The following PTER variants were observed in gnomAD, a reference collection of about 807,000 sequenced individuals.
PTER encodes the protein N-acetyltaurine hydrolase.
PTER carries 38 observed loss-of-function variants against 29.6 expected under a neutral mutation model. The observed-to-expected ratio is 1.28, with a 90% CI of 0.99 to 1.68. The LOEUF is 1.68. Ranked by LOEUF, PTER falls within the 40% of genes most tolerant of loss-of-function variation. The probability of loss-of-function intolerance (pLI) is 0.00; values close to 1 mark genes in which losing one functional copy is unlikely to be tolerated. For synonymous variants in PTER, 172 were observed against 154.5 expected, an observed-to-expected ratio of 1.11 and a Z score of -0.84; for missense variants, 482 against 427.8, an observed-to-expected ratio of 1.13 and a Z score of -1.12.
intron 1 of PTER, among the ~76,000 whole-genome samples, chr10:16,482,190 A>G (rs954097470): frequency 2.7e-4 from 41 of 152,254 alleles, no homozygotes; most frequent in African/African-American, 9.4e-4. Context: ...TTTATGCCTT[A>G]TAAGCCAATA....
intron 2 of PTER, among the ~76,000 whole-genome samples, chr10:16,485,342 G>T (rs889157104): frequency 6.6e-6 from 1 of 152,134 alleles, no homozygotes. Flanking sequence ...CCTGTGTTTT[G>T]TCATAATATG....
chr10:16,469,843 G>T (rs2133412967), intron 1 of PTER, among the ~76,000 whole-genome samples: 1 of 152,066 alleles, frequency 6.6e-6, no homozygotes, highest in African/African-American at 2.4e-5. Context: ...CTCCCAAAGT[G>T]GTGCTGGGGT....
intron 1 of PTER, among the ~76,000 whole-genome samples, chr10:16,464,891 G>A (rs1173940738): frequency 6.6e-6 from 1 of 152,182 alleles, no homozygotes; most frequent in Admixed American, 6.5e-5. Context: ...TGGCTGGGGA[G>A]GCCTCACAAT....
At chr10:16,505,641 A>G (rs1836531460) in intron 4 of PTER, among the ~76,000 whole-genome samples, 1 of 152,234 alleles carries the variant, frequency 6.6e-6, no homozygotes, top group African/African-American at 2.4e-5. Context: ...TGTAAAATGA[A>G]TGCAACCTTC....
chr10:16,469,723 T>C (rs779391432), intron 1 of PTER, among the ~76,000 whole-genome samples: 3 of 152,038 alleles, frequency 2.0e-5, no homozygotes, highest in Non-Finnish European at 4.4e-5. Context: ...CACAGGTGCA[T>C]GTCACCATGG....
chr10:16,517,593 C>A (rs1332339618), downstream of PTER, among the ~76,000 whole-genome samples: 1 of 152,016 alleles, frequency 6.6e-6, no homozygotes, highest in Non-Finnish European at 1.5e-5. Context: ...TTGAGTTGAA[C>A]TTTTACCTTT....
intron 3 of PTER, chr10:16,486,836 T>G: frequency 3.9e-6 from 2 of 518,914 alleles, no homozygotes; most frequent in South Asian, 3.1e-5. Flanking sequence ...TCCTAGGTAT[T>G]TCACATAAGA....
chr10:16,480,090 G>A (rs1835421178), intron 1 of PTER, among the ~76,000 whole-genome samples: 1 of 147,536 alleles, frequency 6.8e-6, no homozygotes, highest in Non-Finnish European at 1.5e-5. Context: ...AATGAAACAA[G>A]GGATGTATGA....
intron 1 of PTER, among the ~76,000 whole-genome samples, chr10:16,477,349 AT>A (rs34474880): frequency 0.17 from 25,692 of 149,300 alleles, 4,201 homozygotes; most frequent in African/African-American, 0.43. Flanking sequence ...ATTTTATTTT[AT>A]TTTTTTTTTA....
intron 1 of PTER, among the ~76,000 whole-genome samples, chr10:16,467,453 A>G (rs541389788): frequency 6.6e-6 from 1 of 152,328 alleles, no homozygotes; most frequent in South Asian, 2.1e-4. Context: ...AGTTAAAAAA[A>G]CAAAAACAAA....
intron 3 of PTER, among the ~76,000 whole-genome samples, chr10:16,487,910 C>T (rs1835762657): frequency 6.6e-6 from 1 of 152,148 alleles, no homozygotes; most frequent in Admixed American, 6.5e-5. Flanking sequence ...TAAAATGCCT[C>T]TCCTTATGAG....
At chr10:16,503,676 G>T (rs921975877) in intron 3 of PTER, among the ~76,000 whole-genome samples, 1 of 152,128 alleles carries the variant, frequency 6.6e-6, no homozygotes, top group Non-Finnish European at 1.5e-5. Flanking sequence ...AAAGTGCTGG[G>T]ATTACAGGTG....
At chr10:16,445,676 A>C (rs942364738) in intron 1 of PTER, among the ~76,000 whole-genome samples, 1 of 152,136 alleles carries the variant, frequency 6.6e-6, no homozygotes, top group Non-Finnish European at 1.5e-5. Flanking sequence ...AGAAACTTAC[A>C]AAGAGGCCAC....
At chr10:16,483,215 G>A (rs1202014547) in intron 1 of PTER, among the ~76,000 whole-genome samples, 4 of 152,170 alleles carry the variant, frequency 2.6e-5, no homozygotes, top group Admixed American at 2.0e-4. Flanking sequence ...AAAGCAAATC[G>A]AGGATAGAGA....
At chr10:16,494,117 G>A (rs1229945284) in intron 3 of PTER, among the ~76,000 whole-genome samples, 3 of 152,120 alleles carry the variant, frequency 2.0e-5, no homozygotes, top group African/African-American at 2.4e-5. Context: ...TCCCTGAACC[G>A]TGTATCGCCT....
chr10:16,472,822 G>C (rs1218954023), intron 1 of PTER, among the ~76,000 whole-genome samples: 4 of 152,146 alleles, frequency 2.6e-5, no homozygotes, highest in African/African-American at 9.7e-5. Context: ...AATACACTGT[G>C]CTTCAGGTTT....
chr10:16,439,317 C>T (rs1162793203), intron 1 of PTER, among the ~76,000 whole-genome samples: 2 of 152,072 alleles, frequency 1.3e-5, no homozygotes, highest in African/African-American at 4.8e-5. Flanking sequence ...ACAGAAAATA[C>T]CTTCAATATG....
At chr10:16,479,861 C>G (rs947412539) in intron 1 of PTER, among the ~76,000 whole-genome samples, 49 of 151,716 alleles carry the variant, frequency 3.2e-4, no homozygotes, top group Non-Finnish European at 3.5e-4. Flanking sequence ...GGCTGCCAGG[C>G]TCTTCACTTC....
At chr10:16,469,055 A>G (rs1834949725) in intron 1 of PTER, among the ~76,000 whole-genome samples, 1 of 152,150 alleles carries the variant, frequency 6.6e-6, no homozygotes, top group African/African-American at 2.4e-5. Context: ...AGTACCTAGA[A>G]TTGACATCTT....
Sources: gnomAD v4.1 joint callset for allele counts (sites outside exome capture counted in the v4.1 genomes callset) on GRCh38, gnomAD v4.1.1 for gene constraint, MANE v1.5 for transcripts, NCBI Gene and HGNC (gene_info 2026-07-23, HGNC 2026-07-21) for gene names.